The following PCDHA3 variants were observed in gnomAD, a reference collection of about 807,000 sequenced individuals.
PCDHA3 encodes the protein protocadherin alpha-3.
Under a neutral mutation model 62.2 loss-of-function variants are expected in PCDHA3, and 41 were observed. The ratio of observed to expected loss-of-function variants is 0.66; its 90% CI spans 0.51 to 0.86. PCDHA3 has a LOEUF of 0.86. PCDHA3 is among the 40% of genes least tolerant of loss of function. The pLI, the probability that PCDHA3 is intolerant of heterozygous loss-of-function variation, is 0.00. For synonymous variants in PCDHA3, 640 were observed against 555.4 expected (o/e 1.15, Z -2.14); for missense variants, 1,304 against 1,241.2 (o/e 1.05, Z -0.76).
chr5:140,883,263 G>T (rs562257406), intron 1 of PCDHA3: 2 of 1,613,988 alleles, frequency 1.2e-6, no homozygotes, highest in Admixed American at 1.7e-5. Flanking sequence ...CCAATGGCGG[G>T]TCATTGTACC....
chr5:140,880,168 T>A (rs1287992545), intron 1 of PCDHA3, among the ~76,000 whole-genome samples: 1 of 152,084 alleles, frequency 6.6e-6, no homozygotes, highest in East Asian at 1.9e-4. Flanking sequence ...ATGTTAGAAG[T>A]TAAACATGAA....
intron 3 of PCDHA3, 111 bp downstream of exon 3, chr5:140,982,674 A>G (rs1399250735): frequency 3.4e-6 from 5 of 1,450,700 alleles, no homozygotes; most frequent in Admixed American, 2.7e-5. Context: ...TATTTTTGTT[A>G]TTCCCTTTTT....
At chr5:140,850,138 A>T in intron 1 of PCDHA3, 1 of 1,595,694 alleles carries the variant, frequency 6.3e-7, no homozygotes, top group Non-Finnish European at 8.6e-7. Context: ...CTGGGCAGCA[A>T]CGTGACGCTG....
chr5:140,895,257 T>A (rs1180344268), intron 1 of PCDHA3, among the ~76,000 whole-genome samples: 8 of 152,212 alleles, frequency 5.3e-5, no homozygotes, highest in Non-Finnish European at 8.8e-5. Context: ...AGCTTTCTTT[T>A]TTTTCTTACT....
intron 1 of PCDHA3, among the ~76,000 whole-genome samples, chr5:140,899,099 A>G (rs1379248424): frequency 6.6e-6 from 1 of 152,162 alleles, no homozygotes; most frequent in African/African-American, 2.4e-5. Context: ...GGCTGAGATA[A>G]TGGGGTTTTC....
chr5:140,871,668 T>G (rs2053250173), intron 1 of PCDHA3: 6 of 1,174,012 alleles, frequency 5.1e-6, no homozygotes, highest in Non-Finnish European at 7.0e-6. Context: ...CTTCAGTCTT[T>G]TAATCATATG....
At position 140,883,814 on chromosome 5, in the gene PCDHA3, A is replaced by C. The variant is rs782678422; in HGVS notation, c.2394+80223A>C. 6.2e-7 allele frequency: 1 copy of C among 1,612,478 alleles called. No homozygotes were observed. ...CGTGTCGGTGCACGCGGAGAGCGGC[A>C]AGGTGTACGCGCTGCAGCCGTTGGA... On this transcript the variant is annotated intron_variant, in intron 1 of 3. Coordinates refer to ENST00000522353, the MANE Select transcript of PCDHA3 (RefSeq NM_018906.3).
chr5:140,818,485 C>T (rs186981491), intron 1 of PCDHA3, among the ~76,000 whole-genome samples: 1 of 152,328 alleles, frequency 6.6e-6, no homozygotes, highest in Non-Finnish European at 1.5e-5. Context: ...TTTTCACTCA[C>T]TTGATCTTGG....
intron 1 of PCDHA3, among the ~76,000 whole-genome samples, chr5:140,888,721 G>A (rs1176739860): frequency 6.6e-6 from 1 of 151,970 alleles, no homozygotes; most frequent in Non-Finnish European, 1.5e-5. Flanking sequence ...AATATTTCCA[G>A]CCCTTTGTGA....
chr5:140,987,999 C>T (rs543796200), intron 3 of PCDHA3, among the ~76,000 whole-genome samples: 3 of 152,292 alleles, frequency 2.0e-5, no homozygotes, highest in African/African-American at 7.2e-5. Context: ...TCTGATCCTT[C>T]CCCAGAAAGA....
In PCDHA3 at chr5:141,010,504, A is replaced by C; in HGVS notation, c.*567A>C. On this transcript the variant is annotated 3_prime_UTR_variant, in exon 4 of 4. Transcript: ENST00000522353. ...AACTTAAAGGGACCAGACTTTCTAA[A>C]TCTTACAACTCAAGAGGTGGCAGCC... is the stretch of plus-strand genomic sequence containing the variant. 1.8e-6 allele frequency: 1 copy of C among 549,734 alleles called. No homozygotes were observed. Among genetic ancestry groups the C allele is most frequent in the Non-Finnish European group, 2.9e-6 (1 of 344,512 alleles). The allele number at this position is 549,734 out of a possible 1,614,324, so 34.1% of individuals were successfully genotyped here.
At chr5:140,842,323 C>T (rs2150334082) in intron 1 of PCDHA3, 26 of 1,607,134 alleles carry the variant, frequency 1.6e-5, no homozygotes, top group Non-Finnish European at 2.2e-5. Flanking sequence ...CGGGTCATTG[C>T]ACCGTTTTAG....
intron 1 of PCDHA3, chr5:140,968,791 C>G (rs2096270570): frequency 2.5e-6 from 4 of 1,614,076 alleles, no homozygotes; most frequent in Non-Finnish European, 3.4e-6. Flanking sequence ...CCTCTGTGGC[C>G]ATTACAGTAG....
chr5:140,852,761 C>T (rs17119246), intron 1 of PCDHA3: 72,639 of 982,874 alleles, frequency 0.074, 8,920 homozygotes, highest in African/African-American at 0.25. Flanking sequence ...ACCCAGGTAT[C>T]TGATTATTTG....
chr5:140,877,563 C>G (rs2057203422), intron 1 of PCDHA3: 2 of 1,613,774 alleles, frequency 1.2e-6, no homozygotes, highest in African/African-American at 1.3e-5. Context: ...TGGATATTAA[C>G]GTGTACCTCA....
intron 1 of PCDHA3, chr5:140,966,838 G>T: frequency 6.4e-7 from 1 of 1,566,772 alleles, no homozygotes. Flanking sequence ...CCTGGCTGCT[G>T]CTACTGCCTC....
intron 1 of PCDHA3, chr5:140,822,672 TG>T: frequency 6.2e-7 from 1 of 1,608,506 alleles, no homozygotes; most frequent in Non-Finnish European, 8.5e-7. Context: ...CTAATACTGG[TG>T]AAATAAAAGT....
intron 1 of PCDHA3, chr5:140,868,560 T>C (rs2050524245): frequency 1.3e-5 from 2 of 152,862 alleles, no homozygotes; most frequent in South Asian, 2.1e-4. Flanking sequence ...TATTTTTATA[T>C]GAGGAACAAC....
chr5:140,875,157 A>T, intron 1 of PCDHA3: 1 of 333,552 alleles, frequency 3.0e-6, no homozygotes, highest in Non-Finnish European at 5.3e-6. Flanking sequence ...CGTGAAAAAT[A>T]ACCCAAAGTC....
Sources: gnomAD v4.1 joint callset for allele counts (sites outside exome capture counted in the v4.1 genomes callset) on GRCh38, gnomAD v4.1.1 for gene constraint, MANE v1.5 for transcripts, NCBI Gene and HGNC (gene_info 2026-07-23, HGNC 2026-07-21) for gene names.